Variants in HERC2 observed in about 807,000 individuals in gnomAD.
HERC2 encodes HECT and RLD domain containing E3 ubiquitin protein ligase 2.
HERC2 carries 102 observed loss-of-function variants against 537.7 expected under a neutral mutation model. The ratio of observed to expected loss-of-function variants is 0.19; its 90% CI spans 0.16 to 0.22. HERC2 has a LOEUF of 0.22. Among genes scored for constraint, HERC2 ranks in the 10% least tolerant of loss-of-function variants. The pLI is 1.00. For missense variants in HERC2, 4,236 were observed against 6,198.2 expected (o/e 0.68, Z 10.63); for synonymous variants, 2,224 against 2,466.2 (o/e 0.90, Z 2.91).
chr15:28,298,361 G>T (rs2076528392), intron 3 of HERC2, among the ~76,000 whole-genome samples: 1 of 149,504 alleles, frequency 6.7e-6, no homozygotes, highest in African/African-American at 2.4e-5. Flanking sequence ...CACCATGTTG[G>T]CCAGGCTGGT....
intron 35 of HERC2, among the ~76,000 whole-genome samples, chr15:28,227,271 T>A (rs1053336724): frequency 2.2e-5 from 3 of 134,860 alleles, no homozygotes; most frequent in Non-Finnish European, 4.4e-5. Context: ...TGAGACTCCG[T>A]CTCAAAAAAA....
intron 31 of HERC2, 98 bp from the exon 32 acceptor site, chr15:28,229,945 G>C (rs1901654957): frequency 2.3e-6 from 2 of 867,064 alleles, no homozygotes; most frequent in Non-Finnish European, 3.7e-6. Flanking sequence ...ATGCTCATAG[G>C]TTTAAATTGG....
intron 2 of HERC2, among the ~76,000 whole-genome samples, chr15:28,319,838 T>G (rs1211424020): frequency 4.6e-5 from 7 of 152,200 alleles, no homozygotes; most frequent in Non-Finnish European, 8.8e-5. Flanking sequence ...CTTTATTACG[T>G]AAAGTCCTTT....
chr15:28,183,990 C>T (rs1018216364), intron 56 of HERC2, among the ~76,000 whole-genome samples: 1 of 151,984 alleles, frequency 6.6e-6, no homozygotes. Flanking sequence ...GAGTTGGAGA[C>T]CAGCCTGGGC....
chr15:28,143,042 T>C, intron 74 of HERC2, 90 bp from the exon 75 acceptor site: 1 of 1,297,982 alleles, frequency 7.7e-7, no homozygotes, highest in Non-Finnish European at 1.1e-6. Context: ...TTTTATTATG[T>C]TGGTACTAAC....
chr15:28,201,705 T>C (rs1897928994), intron 47 of HERC2, 151 bp from the exon 48 acceptor site: 6 of 638,774 alleles, frequency 9.4e-6, no homozygotes, highest in South Asian at 6.1e-5. Context: ...AAAAGACTAA[T>C]AGCAGTAGCA....
At chr15:28,181,083 C>A (rs552173600) in intron 57 of HERC2, among the ~76,000 whole-genome samples, 2 of 152,322 alleles carry the variant, frequency 1.3e-5, no homozygotes, top group East Asian at 3.9e-4. Context: ...GATTCTGACT[C>A]TGACATCTCT....
chr15:28,233,322 C>T lies in HERC2; in HGVS notation c.4499G>A (p.Arg1500His), dbSNP rs1422830434. The change falls in exon 30 of 93, where the codon CGT becomes CAT. Residue 1500 changes from arginine to histidine, a missense_variant. By Grantham distance (29) the Arg-to-His change is conservative. Transcript: ENST00000261609. ...SLIKTHQEQGRSYKEVCAPVI... is the reference protein window; with the variant it reads ...SLIKTHQEQGHSYKEVCAPVI... ...AGGAGCGCAGACCTCCTTGTAAGAA[C>T]GGCCCTGTTCTTGATGAGTCTGCAA... 3.4e-6 allele frequency: 5 copies of T among 1,491,414 alleles called. No homozygotes were observed. The highest frequency in any genetic ancestry group is 1.4e-5 in the African/African-American group (1 of 70,986). The allele number at this position is 1,491,414 out of a possible 1,614,324, so 92.4% of individuals were successfully genotyped here. A position where few individuals can be genotyped will look rare whatever the true frequency, so the allele number is the denominator to read the frequency against.
chr15:28,148,848 TCTAA>T (rs1385025755), intron 70 of HERC2, among the ~76,000 whole-genome samples: 63 of 141,334 alleles, frequency 4.5e-4, no homozygotes, highest in Non-Finnish European at 7.8e-4. Context: ...ACACGCAACT[TCTAA>T]CTGAGAACAT....
Position 28,144,085 on chromosome 15 carries a change from C to T in HERC2, c.11291G>A (p.Ser3764Asn). The change falls in exon 73 of 93, where the codon AGT (serine) becomes AAT (asparagine). Residue 3764 changes from serine to asparagine, a missense_variant. Ser to Asn is a conservative substitution (Grantham distance 46). Transcript: ENST00000261609. The part of the protein sequence containing the change: ...AASLAACAQL[S>N]ALAASHRMWA... ...GTAATGGTGGCATTTACCTAGGGCA[C>T]TCAGCTGTGCACAAGCTGCCAGCGA... The T allele has an allele frequency of 1.2e-6, 2 of 1,614,190 alleles. No individual in the cohort carries two copies. The highest frequency in any genetic ancestry group is 1.7e-6 in the Non-Finnish European group (2 of 1,180,050).
In HERC2 at chr15:28,196,357, A is replaced by G. The variant is rs756270966; in HGVS notation, c.8121-3T>C. On this transcript the variant is annotated splice_polypyrimidine_tract_variant and splice_region_variant and intron_variant, in intron 51 of 92. Coordinates refer to ENST00000261609, the MANE Select transcript of HERC2 (RefSeq NM_004667.6). ...GAAACATCTGACATCCATCACACCTATTTGTAAAATAGCAACTGAGTTAAG... is the reference window on the plus strand; with the variant it reads ...GAAACATCTGACATCCATCACACCTGTTTGTAAAATAGCAACTGAGTTAAG... 3 of 1,319,614 alleles carry G rather than the reference A, an allele frequency of 2.3e-6. No individual in the cohort carries two copies. The East Asian group carries it at 6.9e-5, about 31-fold the overall frequency. The allele number at this position is 1,319,614 out of a possible 1,614,324, so 81.7% of individuals were successfully genotyped here.
Position 28,256,192 on chromosome 15 carries a change from G to A in HERC2, c.2643C>T (p.Thr881=), listed in dbSNP as rs183596087. 436 of 1,601,256 alleles carry A rather than the reference G, an allele frequency of 2.7e-4. No individual in the cohort carries two copies. The highest frequency in any genetic ancestry group is 3.2e-4 in the Non-Finnish European group (382 of 1,179,836). ...TLASSAGVLS[T]VQSAAQAVLQ... ...GCACGGCCTGGGCGGCCGACTGCAC[G>A]GTGCTCAGCACGCCCGCACTGCTGG... is the stretch of plus-strand genomic sequence containing the variant. Residue 881 remains threonine, a synonymous_variant, in exon 18 of 93, where the codon ACC becomes ACT. Transcript: ENST00000261609.
At chr15:28,194,239 G>C (rs1317733027) in intron 52 of HERC2, among the ~76,000 whole-genome samples, 1 of 148,142 alleles carries the variant, frequency 6.8e-6, no homozygotes, top group Non-Finnish European at 1.5e-5. Flanking sequence ...CTAATTTTTT[G>C]TATTTTTAGT....
chr15:28,218,406 CACACCCACCCACATGA>C lies in HERC2; in HGVS notation c.6028+67_6028+82del. 4 of 1,201,056 alleles carry C rather than the reference CACACCCACCCACATGA, an allele frequency of 3.3e-6. No individual in the cohort carries two copies. The Admixed American group carries it at 5.1e-5, about 15-fold the overall frequency. 74.4% of individuals were successfully genotyped at this position (1,201,056 alleles called of 1,614,324 possible). On this transcript the variant is annotated intron_variant, in intron 38 of 92. Coordinates refer to ENST00000261609, the MANE Select transcript of HERC2 (RefSeq NM_004667.6). Reference sequence around the variant, plus strand: ...CACAGGAAAGGAATCCACACACATCCACACCCACCCACATGAACACCCAGACACAAGCGTGCGGCCC... The same window carrying C: ...CACAGGAAAGGAATCCACACACATCCACACCCAGACACAAGCGTGCGGCCC...
In HERC2 at chr15:28,177,048, C is replaced by T. The variant is rs775023740; in HGVS notation, c.9334G>A (p.Ala3112Thr). ...RDIACGSSHS[A>T]ALTSSGELYT... is the part of the protein sequence containing the mutation. ...AGTTCTCCGCTGGATGTGAGGGCTG[C>T]GCTGTGCGAGCTCCCACAGGCGATA... The change falls in exon 61 of 93, where the codon GCA (alanine) becomes ACA (threonine). Residue 3112 changes from alanine to threonine, a missense_variant. By Grantham distance (58) the Ala-to-Thr change is moderately conservative (BLOSUM62 0). Around this residue, in one of 27 missense-constraint regions of HERC2, gnomAD observed 606 missense variants for 884.5 expected, o/e 0.69. Coordinates refer to ENST00000261609, the MANE Select transcript of HERC2 (RefSeq NM_004667.6). The surrounding 1 kb of genome is among the most constrained non-coding windows in gnomAD (Gnocchi z 5.0). 18 of 1,614,128 alleles carry T rather than the reference C, an allele frequency of 1.1e-5. No homozygotes were observed. Among genetic ancestry groups the T allele is most frequent in the Non-Finnish European group, 1.4e-5 (16 of 1,179,986 alleles).
chr15:28,242,281 TAAATGGCAAA>T (rs1224665982), intron 23 of HERC2, among the ~76,000 whole-genome samples: 39 of 152,316 alleles, frequency 2.6e-4, no homozygotes, highest in African/African-American at 9.1e-4. Context: ...ATGGTACACT[TAAATGGCAAA>T]TTTTACCAAT....
chr15:28,132,644 C>A lies in HERC2; in HGVS notation c.12408+9G>T. The A allele has an allele frequency of 6.7e-7, 1 of 1,489,412 alleles. No homozygotes were observed. The highest frequency in any genetic ancestry group is 9.0e-7 in the Non-Finnish European group (1 of 1,114,438). The allele number at this position is 1,489,412 out of a possible 1,614,324, so 92.3% of individuals were successfully genotyped here. On this transcript the variant is annotated intron_variant, in intron 80 of 92. Transcript: ENST00000261609. ...CAGCCTCCGGCCTCTGCACACGGCG[C>A]CTCCTCACCAGCTTCGGCTTCAGCT...
intron 69 of HERC2, among the ~76,000 whole-genome samples, chr15:28,160,883 G>A (rs757356914): frequency 3.3e-5 from 5 of 152,092 alleles, no homozygotes; most frequent in Non-Finnish European, 7.4e-5. Context: ...ACCGCCCCCC[G>A]CTCAGCATTA....
intron 23 of HERC2, among the ~76,000 whole-genome samples, chr15:28,241,579 T>C (rs903228571): frequency 6.6e-6 from 1 of 152,176 alleles, no homozygotes; most frequent in African/African-American, 2.4e-5. Flanking sequence ...CCCATCACTT[T>C]GGGAGGCCGA....
Sources: gnomAD v4.1 joint callset for allele counts (sites outside exome capture counted in the v4.1 genomes callset) on GRCh38, gnomAD v4.1.1 for gene constraint, gnomAD v4.1.1 regional missense constraint, Gnocchi (gnomAD v3.1) non-coding constraint, MANE v1.5 for transcripts, NCBI Gene and HGNC (gene_info 2026-07-23, HGNC 2026-07-21) for gene names.